Variants in CLPTM1L observed in about 807,000 individuals in gnomAD.
CLPTM1L encodes the protein lipid scramblase CLPTM1L.
CLPTM1L carries 38 observed loss-of-function variants against 70.9 expected under a neutral mutation model. That is an observed-to-expected ratio of 0.54 (90% CI 0.41 to 0.70). The LOEUF is 0.70. CLPTM1L is among the 30% of genes least tolerant of loss of function. The probability of loss-of-function intolerance (pLI) is 0.00; values close to 1 mark genes in which losing one functional copy is unlikely to be tolerated. For missense variants in CLPTM1L, 652 were observed against 705.9 expected (o/e 0.92, Z 0.87); for synonymous variants, 339 against 299.9 (o/e 1.13, Z -1.35).
At chr5:1,335,979 C>G (rs894001886) in intron 5 of CLPTM1L, among the ~76,000 whole-genome samples, 1 of 152,256 alleles carries the variant, frequency 6.6e-6, no homozygotes, top group African/African-American at 2.4e-5. Flanking sequence ...GAACATCCAG[C>G]GAGGGCTGTG....
intron 3 of CLPTM1L, among the ~76,000 whole-genome samples, chr5:1,339,967 G>A (rs551837915): frequency 1.7e-3 from 249 of 149,918 alleles, no homozygotes; most frequent in African/African-American, 6.0e-3. Flanking sequence ...CAGCAGGGTC[G>A]GCACCCTAAC....
chr5:1,318,433 C>A lies in CLPTM1L; in HGVS notation c.1553G>T (p.Arg518Leu), dbSNP rs780423882. Residue 518 changes from arginine to leucine, a missense_variant, in exon 17 of 17, where the codon CGC becomes CTC. Arg to Leu is a moderately radical substitution (Grantham distance 102, BLOSUM62 -2). This residue lies in a region of CLPTM1L where 240 missense variants were observed against 295.0 expected (regional missense o/e 0.81). Coordinates refer to ENST00000320895, the MANE Select transcript of CLPTM1L (RefSeq NM_030782.5). The surrounding 1 kb of genome is among the most constrained non-coding windows in gnomAD (Gnocchi z 8.9). ...GGACTCCCCAAACTCGTTCACTCTG[C>A]GTTTATCCACAGGATAAAGCCTGCA... ...YQRWLYPVDKRRVNEFGESYE... is the reference protein window; with the variant it reads ...YQRWLYPVDKLRVNEFGESYE... 1.5e-5 allele frequency: 25 copies of A among 1,613,708 alleles called. No individual in the cohort carries two copies. Among genetic ancestry groups the A allele is most frequent in the Non-Finnish European group, 1.9e-5 (23 of 1,179,976 alleles).
chr5:1,319,173 C>T (rs1236308428), intron 16 of CLPTM1L, among the ~76,000 whole-genome samples: 2 of 152,182 alleles, frequency 1.3e-5, no homozygotes, highest in African/African-American at 4.8e-5. Context: ...GCGTCCGGGG[C>T]TCCGTGGCTT....
At chr5:1,321,911 C>T in intron 13 of CLPTM1L, 92 bp from the exon 14 acceptor site, 2 of 1,166,554 alleles carry the variant, frequency 1.7e-6, no homozygotes, top group Non-Finnish European at 1.3e-6. Context: ...GAGGGCCGAG[C>T]TGCCACGTCT....
At chr5:1,333,626 C>T (rs1244089308) in intron 7 of CLPTM1L, among the ~76,000 whole-genome samples, 1 of 132,820 alleles carries the variant, frequency 7.5e-6, no homozygotes, top group Non-Finnish European at 1.5e-5. Context: ...GTATACACAC[C>T]AGATGAGGAT....
At chr5:1,336,349 G>T (rs1326892623) in intron 5 of CLPTM1L, among the ~76,000 whole-genome samples, 1 of 152,254 alleles carries the variant, frequency 6.6e-6, no homozygotes, top group African/African-American at 2.4e-5. Context: ...TGATTTGGGG[G>T]AAAAGCTGCT....
chr5:1,340,438 C>T (rs1028393499), intron 3 of CLPTM1L, among the ~76,000 whole-genome samples: 9 of 152,216 alleles, frequency 5.9e-5, no homozygotes, highest in Admixed American at 2.0e-4. Flanking sequence ...TATCGCCTCA[C>T]CCATTTCCTA....
Position 1,342,725 on chromosome 5 carries a change from T to A in CLPTM1L, c.264-865A>T, listed in dbSNP as rs1012137563. On this transcript the variant is annotated intron_variant, in intron 2 of 16. Transcript: ENST00000320895. This position sits in a 1 kb window ranked among gnomAD's most constrained non-coding sequence, Gnocchi z 4.3. ...CCTCAGTCTCCCGAGTAGCTGGGAC[T>A]ACAGGTGGGCGTGCCACCATGCCTG... 1.3e-5 allele frequency among the ~76,000 whole-genome samples: 2 copies of A among 152,256 alleles called. No homozygotes were observed. The highest frequency in any genetic ancestry group is 4.8e-5 in the African/African-American group (2 of 41,476).
intron 4 of CLPTM1L, chr5:1,338,207 G>A: frequency 1.7e-6 from 1 of 589,514 alleles, no homozygotes; most frequent in Non-Finnish European, 3.0e-6. Context: ...GATGGCCACA[G>A]GTGGGAAAAT....
chr5:1,321,874 A>G, intron 13 of CLPTM1L, 55 bp from the exon 14 acceptor site: 4 of 1,528,402 alleles, frequency 2.6e-6, no homozygotes, highest in Non-Finnish European at 3.6e-6. Flanking sequence ...TGCCACATCT[A>G]CGCACAGACG....
In CLPTM1L at chr5:1,338,932, A is replaced by G; in HGVS notation, c.527T>C (p.Leu176Pro). Residue 176 changes from leucine to proline, a missense_variant, in exon 4 of 17, where the codon CTG becomes CCG. Physicochemically the swap from Leu to Pro is moderately conservative, Grantham distance 98 (BLOSUM62 -3). Coordinates refer to ENST00000320895, the MANE Select transcript of CLPTM1L (RefSeq NM_030782.5). ...PVSHWRPRLA[L>P]NVMADNFVFD... ...GACAAAGTTGTCCGCCATCACGTTC[A>G]GCGCCAGCCGCGGTCGCCAGTGGGA... 1.9e-6 allele frequency: 3 copies of G among 1,613,324 alleles called. No individual in the cohort carries two copies. Among genetic ancestry groups the G allele is most frequent in the South Asian group, 1.1e-5 (1 of 91,092 alleles).
rs1286714928 is a variant in CLPTM1L at position 1,344,403 on chromosome 5, T to C, written c.211A>G (p.Ile71Val). ...TRSHLGAENNIDLVLNVEDFD... is the reference protein window; with the variant it reads ...TRSHLGAENNVDLVLNVEDFD... ...TCTTCCACATTCAAGACCAGGTCGA[T>C]GTTGTTCTCAGCACCCAGGTGGGAC... The change falls in exon 2 of 17, where the codon ATC becomes GTC. Residue 71 changes from isoleucine (I) to valine (V), a missense_variant. Physicochemically the swap from Ile to Val is conservative, Grantham distance 29 (BLOSUM62 3). Transcript: ENST00000320895. The C allele has an allele frequency of 6.2e-7, 1 of 1,613,724 alleles. No individual in the cohort carries two copies. The highest frequency in any genetic ancestry group is 1.3e-5 in the African/African-American group (1 of 74,942).
Position 1,320,693 on chromosome 5 carries a change from G to C in CLPTM1L, c.1455C>G (p.Ile485Met). 2 of 1,548,976 alleles carry C rather than the reference G, an allele frequency of 1.3e-6. No individual in the cohort carries two copies. The highest frequency in any genetic ancestry group is 1.7e-6 in the Non-Finnish European group (2 of 1,145,644). ...GCCGGTGAGACGTGGGCATGGTGAT[G>C]ATGAAGGCAAAGACGTCATCAATGA... ...NTFIDDVFAF[I>M]ITMPTSHRLA... Residue 485 changes from isoleucine (I) to methionine (M), a missense_variant, in exon 16 of 17, where the codon ATC becomes ATG. By Grantham distance (10) the Ile-to-Met change is conservative (BLOSUM62 1). This residue lies in a region of CLPTM1L where 240 missense variants were observed against 295.0 expected (regional missense o/e 0.81). Transcript: ENST00000320895.
At chr5:1,325,920 G>T in intron 9 of CLPTM1L, 104 bp from the exon 10 acceptor site, 1 of 928,362 alleles carries the variant, frequency 1.1e-6, no homozygotes, top group South Asian at 1.5e-5. Flanking sequence ...CCATGGCCCC[G>T]CGCAGCCCAC....
At chr5:1,322,276 C>T (rs760228105) in intron 13 of CLPTM1L, among the ~76,000 whole-genome samples, 4 of 152,202 alleles carry the variant, frequency 2.6e-5, no homozygotes, top group South Asian at 2.1e-4. Flanking sequence ...CACAAAGCTG[C>T]GATCAGGGCT....
rs892381006 is a variant in CLPTM1L, at chr5:1,335,172, G to A, written c.681C>T (p.Val227=). 1.2e-6 allele frequency: 2 copies of A among 1,612,532 alleles called. No individual in the cohort carries two copies. Among genetic ancestry groups the A allele is most frequent in the African/African-American group, 2.7e-5 (2 of 74,908 alleles). ...GCAGCTCGGTGGTGGAGCGGTTTAT[G>A]ACCTGATGAAGAAAGCCACACTGAG... ...QLSNRVKDLM[V]INRSTTELPL... The change falls in exon 6 of 17, where the codon GTC becomes GTT. Residue 227 remains valine (V), a splice_region_variant and synonymous_variant. Coordinates refer to ENST00000320895, the MANE Select transcript of CLPTM1L (RefSeq NM_030782.5).
chr5:1,343,979 TA>T (rs772625036), intron 2 of CLPTM1L, among the ~76,000 whole-genome samples: 1 of 152,216 alleles, frequency 6.6e-6, no homozygotes, highest in Non-Finnish European at 1.5e-5. Context: ...CCCTCACAAG[TA>T]ACTTAAGCGA....
chr5:1,332,703 C>T (rs968106072), intron 7 of CLPTM1L, among the ~76,000 whole-genome samples: 4 of 152,208 alleles, frequency 2.6e-5, no homozygotes, highest in Non-Finnish European at 5.9e-5. Context: ...GAGAGTGAGA[C>T]CACACCCACG....
At chr5:1,333,771 AG>A (rs1753352466) in intron 7 of CLPTM1L, among the ~76,000 whole-genome samples, 1 of 151,984 alleles carries the variant, frequency 6.6e-6, no homozygotes, top group African/African-American at 2.4e-5. Flanking sequence ...ACACCGGATG[AG>A]GATAAGGGGG....
Sources: gnomAD v4.1 joint callset for allele counts (sites outside exome capture counted in the v4.1 genomes callset) on GRCh38, gnomAD v4.1.1 for gene constraint, gnomAD v4.1.1 regional missense constraint, Gnocchi (gnomAD v3.1) non-coding constraint, MANE v1.5 for transcripts, NCBI Gene and HGNC (gene_info 2026-07-23, HGNC 2026-07-21) for gene names.